CTNNA2: variants seen among roughly 807,000 people sequenced by gnomAD.
The protein encoded by CTNNA2 is catenin alpha 2, also known as catenin alpha-2.
In CTNNA2, 42 loss-of-function variants were observed where a neutral mutation model predicts 101.0. The observed-to-expected ratio is 0.42, with a 90% CI of 0.32 to 0.54. The LOEUF is 0.54. CTNNA2 is among the 20% of genes least tolerant of loss of function. CTNNA2 has a pLI of 0.14. For synonymous variants in CTNNA2, 450 were observed against 456.4 expected (o/e 0.99, Z 0.18); for missense variants, 871 against 1,223.1 (o/e 0.71, Z 4.29).
chr2:79,928,749 G>A lies in CTNNA2; in HGVS notation c.1056+18952G>A, dbSNP rs1331376455. On this transcript the variant is annotated intron_variant, in intron 7 of 18. Coordinates refer to ENST00000402739, the MANE Select transcript of CTNNA2 (RefSeq NM_001282597.3). Reference sequence around the variant, plus strand: ...TTCATACTTATCAGATAGGGTCAACGCCTCTTAGTTTGGTTTGAAATCTCA... The same window carrying A: ...TTCATACTTATCAGATAGGGTCAACACCTCTTAGTTTGGTTTGAAATCTCA... 3.9e-5 allele frequency among the ~76,000 whole-genome samples: 6 copies of A among 152,150 alleles called. No individual in the cohort carries two copies. In the South Asian group the frequency reaches 6.2e-4, roughly 16 times the overall value.
chr2:80,249,912 ATTTTC>A (rs1216765766), intron 7 of CTNNA2, among the ~76,000 whole-genome samples: 1 of 151,962 alleles, frequency 6.6e-6, no homozygotes, highest in Non-Finnish European at 1.5e-5. Flanking sequence ...TGTTTTTTAT[ATTTTC>A]TTAATGTTTT....
At chr2:79,698,741 T>C (rs999774683) in intron 2 of CTNNA2, among the ~76,000 whole-genome samples, 2 of 152,056 alleles carry the variant, frequency 1.3e-5, no homozygotes, top group Non-Finnish European at 1.5e-5. Flanking sequence ...ACATGTTGCA[T>C]ATGGGTGCAT....
chr2:79,623,048 G>GT (rs1679091844), intron 1 of CTNNA2, among the ~76,000 whole-genome samples: 1 of 152,044 alleles, frequency 6.6e-6, no homozygotes, highest in African/African-American at 2.4e-5. Flanking sequence ...ATCTTAATAG[G>GT]TTTTTATTGT....
At chr2:79,205,637 A>G (rs1470079735) in intron 2 of CTNNA2, among the ~76,000 whole-genome samples, 1 of 152,214 alleles carries the variant, frequency 6.6e-6, no homozygotes, top group African/African-American at 2.4e-5. Context: ...TGAACTGATG[A>G]TAAAACCCAG....
At chr2:80,318,484 T>C in intron 7 of CTNNA2, among the ~76,000 whole-genome samples, 1 of 152,126 alleles carries the variant, frequency 6.6e-6, no homozygotes, top group East Asian at 1.9e-4. Context: ...GGGGGTAAAT[T>C]CCTTCTCTAT....
intron 2 of CTNNA2, among the ~76,000 whole-genome samples, chr2:79,730,359 T>C (rs1297427855): frequency 1.3e-5 from 2 of 152,056 alleles, no homozygotes; most frequent in African/African-American, 4.8e-5. Flanking sequence ...AATTCTAGAG[T>C]AGAAACTAAT....
At chr2:79,432,850 G>A (rs554437498) in intron 4 of CTNNA2, among the ~76,000 whole-genome samples, 23 of 152,270 alleles carry the variant, frequency 1.5e-4, no homozygotes, top group South Asian at 4.1e-4. Context: ...AATAACAAAG[G>A]CTCTCTTTTG....
intron 7 of CTNNA2, among the ~76,000 whole-genome samples, chr2:80,140,407 C>A: frequency 6.6e-6 from 1 of 152,088 alleles, no homozygotes; most frequent in East Asian, 1.9e-4. Context: ...ACTTACAGCC[C>A]AGCTGTGAAG....
chr2:80,305,448 C>T, intron 7 of CTNNA2: 1 of 909,886 alleles, frequency 1.1e-6, no homozygotes, highest in Non-Finnish European at 1.3e-6. Flanking sequence ...GAGGGCTTAC[C>T]CTGACTTGTG....
At position 79,680,757 on chromosome 2, in the gene CTNNA2, C is replaced by A; in HGVS notation, c.102+29099C>A. 1.3e-5 allele frequency among the ~76,000 whole-genome samples: 2 copies of A among 152,142 alleles called. 1 individual carries two copies. The highest frequency in any genetic ancestry group is 3.9e-4 in the East Asian group (2 of 5,186). ...TGCTTTCAGTAATGTGAAAAGTCAACCTAAATGTGAAGTATTACTGCTGCT... is the reference window on the plus strand; with the variant it reads ...TGCTTTCAGTAATGTGAAAAGTCAAACTAAATGTGAAGTATTACTGCTGCT... On this transcript the variant is annotated intron_variant, in intron 2 of 18. Coordinates refer to ENST00000402739, the MANE Select transcript of CTNNA2 (RefSeq NM_001282597.3).
chr2:79,212,656 CA>C (rs1444824158), intron 2 of CTNNA2, among the ~76,000 whole-genome samples: 1 of 151,250 alleles, frequency 6.6e-6, no homozygotes, highest in African/African-American at 2.4e-5. Context: ...GTGGGAAGGC[CA>C]AACCGAGTAA....
chr2:80,547,358 A>C (rs778946248), intron 11 of CTNNA2, among the ~76,000 whole-genome samples: 11 of 152,264 alleles, frequency 7.2e-5, no homozygotes, highest in Non-Finnish European at 1.6e-4. Flanking sequence ...TACTAATTCT[A>C]GGTTTTGTTT....
At chr2:80,637,624 A>C (rs1372104415) in intron 18 of CTNNA2, among the ~76,000 whole-genome samples, 2 of 152,222 alleles carry the variant, frequency 1.3e-5, no homozygotes, top group Admixed American at 1.3e-4. Flanking sequence ...GTAGCAACAG[A>C]GCCTTTGACT....
At position 79,417,305 on chromosome 2, in the gene CTNNA2, G is replaced by A. The variant is rs76425390; in HGVS notation, c.-135+43292G>A. ...TTCTCATCTCAGCCCAGGAGACTGG[G>A]AATAAAAACATTACTAAGATTGGAA... On this transcript the variant is annotated intron_variant, in intron 4 of 21. Coordinates refer to the CTNNA2 transcript ENST00000466387. Among the ~76,000 whole-genome samples, 197 of 152,210 alleles carry A rather than the reference G, an allele frequency of 1.3e-3. 3 individuals are homozygous for A. The East Asian group carries it at 0.03, about 23-fold the overall frequency.
intron 2 of CTNNA2, among the ~76,000 whole-genome samples, chr2:79,741,280 A>G (rs924814303): frequency 3.3e-5 from 5 of 152,194 alleles, no homozygotes; most frequent in African/African-American, 1.2e-4. Flanking sequence ...CTAATCTTAA[A>G]TAATCTGTCT....
At chr2:80,057,447 A>G (rs1572962405) in intron 7 of CTNNA2, among the ~76,000 whole-genome samples, 1 of 152,236 alleles carries the variant, frequency 6.6e-6, no homozygotes, top group Non-Finnish European at 1.5e-5. Flanking sequence ...GTTAATTAAA[A>G]GAGAAAGTCT....
chr2:80,065,578 T>A (rs1457783111), intron 7 of CTNNA2, among the ~76,000 whole-genome samples: 1 of 152,046 alleles, frequency 6.6e-6, no homozygotes, highest in African/African-American at 2.4e-5. Flanking sequence ...GGTCTTGATC[T>A]CCTGACCTTG....
intron 4 of CTNNA2, among the ~76,000 whole-genome samples, chr2:79,458,088 T>C (rs1030282349): frequency 6.6e-6 from 1 of 152,162 alleles, no homozygotes; most frequent in Admixed American, 6.5e-5. Flanking sequence ...AAGCTTTCCA[T>C]AGAATTAAGC....
intron 2 of CTNNA2, among the ~76,000 whole-genome samples, chr2:79,233,616 G>T (rs566621394): frequency 6.6e-6 from 1 of 152,234 alleles, no homozygotes; most frequent in African/African-American, 2.4e-5. Flanking sequence ...TTAGTTTCCT[G>T]CCTCAATAAT....
Sources: allele counts gnomAD v4.1 joint callset (sites outside exome capture counted in the v4.1 genomes callset), GRCh38; gene constraint gnomAD v4.1.1; transcripts MANE v1.5; gene names NCBI Gene and HGNC (gene_info 2026-07-23, HGNC 2026-07-21).